The following IQGAP2 variants were observed in gnomAD, a reference collection of about 807,000 sequenced individuals.
IQGAP2 encodes the protein ras GTPase-activating-like protein IQGAP2.
IQGAP2 carries 173 observed loss-of-function variants against 201.3 expected under a neutral mutation model. The observed-to-expected ratio is 0.86, with a 90% CI of 0.76 to 0.98. The LOEUF (loss-of-function observed/expected upper bound fraction) is 0.98. Ranked by LOEUF, IQGAP2 falls within the 50% of genes least tolerant of loss-of-function variation. The pLI is 0.00. For missense variants in IQGAP2, 1,687 were observed against 1,864.8 expected, an observed-to-expected ratio of 0.90 and a Z score of 1.76; for synonymous variants, 675 against 673.9, an observed-to-expected ratio of 1.00 and a Z score of -0.03.
chr5:76,683,240 T>C (rs772804266), intron 29 of IQGAP2, 23 bp downstream of exon 29: 6 of 1,553,340 alleles, frequency 3.9e-6, no homozygotes, highest in Non-Finnish European at 4.4e-6. Context: ...TCCTTCTACT[T>C]ATCCCTTGGT....
In IQGAP2 at chr5:76,570,565, C is replaced by T. The variant is rs1355032385; in HGVS notation, c.304-15C>T. ...GGTTCCTTCTCTCCCTTTTTCCCTC[C>T]TATCGTCACTTTAGAAGTCTGGCCT... On this transcript the variant is annotated splice_polypyrimidine_tract_variant and intron_variant, in intron 3 of 35. Transcript: ENST00000274364. The T allele has an allele frequency of 1.3e-6, 2 of 1,594,434 alleles. No individual in the cohort carries two copies. The highest frequency in any genetic ancestry group is 1.3e-5 in the African/African-American group (1 of 74,378).
intron 2 of IQGAP2, among the ~76,000 whole-genome samples, chr5:76,549,143 T>A (rs2150230436): frequency 6.6e-6 from 1 of 152,218 alleles, no homozygotes; most frequent in East Asian, 1.9e-4. Context: ...CCATGAAAGG[T>A]ACCTACTATA....
intron 13 of IQGAP2, among the ~76,000 whole-genome samples, chr5:76,614,080 C>T (rs190974165): frequency 8.5e-5 from 13 of 152,304 alleles, no homozygotes; most frequent in African/African-American, 2.6e-4. Context: ...ACCTGGGTCC[C>T]TGTCTGCCCA....
chr5:76,695,776 C>A, intron 32 of IQGAP2, 110 bp downstream of exon 32: 1 of 704,756 alleles, frequency 1.4e-6, no homozygotes, highest in Non-Finnish European at 2.4e-6. Flanking sequence ...GTTGCATATG[C>A]TGTGGTTACT....
intron 2 of IQGAP2, among the ~76,000 whole-genome samples, chr5:76,481,139 G>A (rs1246642086): frequency 1.3e-5 from 2 of 152,098 alleles, no homozygotes; most frequent in African/African-American, 4.8e-5. Context: ...TGGTGATGAA[G>A]TTTCAACATA....
chr5:76,523,044 C>G (rs1432087774), intron 2 of IQGAP2, among the ~76,000 whole-genome samples: 1 of 145,720 alleles, frequency 6.9e-6, no homozygotes, highest in African/African-American at 2.5e-5. Flanking sequence ...AGCAAACTCA[C>G]AAATTTTCTT....
intron 11 of IQGAP2, among the ~76,000 whole-genome samples, chr5:76,602,571 A>C (rs1747500701): frequency 6.7e-6 from 1 of 149,284 alleles, no homozygotes; most frequent in Non-Finnish European, 1.5e-5. Context: ...AAGAACTTTT[A>C]AAATGTTTTG....
chr5:76,681,441 GA>G (rs1302150955), intron 28 of IQGAP2, among the ~76,000 whole-genome samples: 1 of 151,734 alleles, frequency 6.6e-6, no homozygotes, highest in African/African-American at 2.4e-5. Context: ...GAAGTATACA[GA>G]TGGTCAGCAT....
chr5:76,700,638 A>G lies in IQGAP2; in HGVS notation c.4368-438A>G, dbSNP rs569544155. Among the ~76,000 whole-genome samples the G allele has an allele frequency of 5.3e-5, 8 of 152,350 alleles. No individual in the cohort carries two copies. In the South Asian group the frequency reaches 1.7e-3, roughly 32 times the overall value. ...GTACTATGGAAATGTTAATTTTGGAAATGTGAGGTAATATTTATAAGGCAC... is the reference window on the plus strand; with the variant it reads ...GTACTATGGAAATGTTAATTTTGGAGATGTGAGGTAATATTTATAAGGCAC... On this transcript the variant is annotated intron_variant, in intron 33 of 35. Coordinates refer to ENST00000274364, the MANE Select transcript of IQGAP2 (RefSeq NM_006633.5).
In IQGAP2 at chr5:76,698,021, G is replaced by A. The variant is rs1383698178; in HGVS notation, c.4241G>A (p.Arg1414Gln). The A allele has an allele frequency of 3.7e-6, 6 of 1,612,844 alleles. No homozygotes were observed. The highest frequency in any genetic ancestry group is 2.2e-5 in the East Asian group (1 of 44,806). The change falls in exon 33 of 36, where the codon CGA becomes CAA. Residue 1414 changes from arginine to glutamine, a missense_variant. Coordinates refer to ENST00000274364, the MANE Select transcript of IQGAP2 (RefSeq NM_006633.5). Reference sequence around the variant, plus strand: ...AATCAAAGAATCTATCGTAAGCTTCGAAAAGCTGAATTGGCAAAACTTCAG... The same window carrying A: ...AATCAAAGAATCTATCGTAAGCTTCAAAAAGCTGAATTGGCAAAACTTCAG... ...IRNQRIYRKL[R>Q]KAELAKLQQT...
At chr5:76,408,642 T>G (rs567886102) in intron 1 of IQGAP2, among the ~76,000 whole-genome samples, 1 of 152,256 alleles carries the variant, frequency 6.6e-6, no homozygotes, top group East Asian at 1.9e-4. Flanking sequence ...ACACCTGTAG[T>G]TACAGCTACT....
chr5:76,444,682 T>G (rs1753266540), intron 1 of IQGAP2, among the ~76,000 whole-genome samples: 1 of 152,198 alleles, frequency 6.6e-6, no homozygotes, highest in South Asian at 2.1e-4. Context: ...TTCCCTACAC[T>G]TTAACCTAAT....
chr5:76,449,653 A>C (rs1010253546), intron 1 of IQGAP2, among the ~76,000 whole-genome samples: 2 of 152,200 alleles, frequency 1.3e-5, no homozygotes, highest in African/African-American at 2.4e-5. Context: ...CACCTAGTGG[A>C]CCATTAGTAG....
chr5:76,671,872 C>A lies in IQGAP2; in HGVS notation c.2957C>A (p.Ala986Asp). The A allele has an allele frequency of 1.2e-6, 2 of 1,614,050 alleles. No individual in the cohort carries two copies. Among genetic ancestry groups the A allele is most frequent in the Non-Finnish European group, 1.7e-6 (2 of 1,179,986 alleles). ...CAGAACACCCTGCGCCAACTCCTGG[C>A]TCCAGTGGTAAAAGAGATCATCGAC... ...RGQNTLRQLLAPVVKEIIDDK... is the reference protein window; with the variant it reads ...RGQNTLRQLLDPVVKEIIDDK... Residue 986 changes from alanine to aspartate, a missense_variant, in exon 24 of 36, where the codon GCT becomes GAT. Coordinates refer to ENST00000274364, the MANE Select transcript of IQGAP2 (RefSeq NM_006633.5).
intron 1 of IQGAP2, among the ~76,000 whole-genome samples, chr5:76,452,963 T>C (rs1753860319): frequency 6.9e-6 from 1 of 144,520 alleles, no homozygotes; most frequent in East Asian, 2.0e-4. Context: ...CAGGCTGGAG[T>C]GCAGTGGCGC....
At chr5:76,684,057 A>G in intron 30 of IQGAP2, 140 bp downstream of exon 30, 1 of 644,788 alleles carries the variant, frequency 1.6e-6, no homozygotes, top group Non-Finnish European at 2.4e-6. Context: ...CAAACATCTA[A>G]CCAAAGGATA....
chr5:76,582,063 A>G (rs1374229659), intron 5 of IQGAP2, among the ~76,000 whole-genome samples: 1 of 152,224 alleles, frequency 6.6e-6, no homozygotes, highest in East Asian at 1.9e-4. Flanking sequence ...TCTTCATAAC[A>G]TATCTGTGCA....
At chr5:76,527,254 A>C (rs1409229581) in intron 2 of IQGAP2, among the ~76,000 whole-genome samples, 1 of 152,250 alleles carries the variant, frequency 6.6e-6, no homozygotes, top group African/African-American at 2.4e-5. Flanking sequence ...GTTAAGGGGA[A>C]CAGATGGAGA....
chr5:76,438,431 TG>T (rs1752839111), intron 1 of IQGAP2, among the ~76,000 whole-genome samples: 1 of 128,376 alleles, frequency 7.8e-6, no homozygotes, highest in Admixed American at 9.0e-5. Flanking sequence ...TTGGTTGTTA[TG>T]GGCTTCATTT....
Sources: gnomAD v4.1 joint callset for allele counts (sites outside exome capture counted in the v4.1 genomes callset) on GRCh38, gnomAD v4.1.1 for gene constraint, MANE v1.5 for transcripts, NCBI Gene and HGNC (gene_info 2026-07-23, HGNC 2026-07-21) for gene names.